Variants in RALGPS2 observed in about 807,000 individuals in gnomAD.
The protein encoded by RALGPS2 is Ral GEF with PH domain and SH3 binding motif 2, also known as ras-specific guanine nucleotide-releasing factor RalGPS2.
In RALGPS2, 43 loss-of-function variants were observed where a neutral mutation model predicts 86.8. The observed-to-expected ratio is 0.50, with a 90% confidence interval of 0.39 to 0.64. The LOEUF is 0.64. RALGPS2 is among the 30% of genes least tolerant of loss of function. RALGPS2 has a pLI of 0.00. For synonymous variants in RALGPS2, 243 were observed against 231.3 expected (o/e 1.05, Z -0.46); for missense variants, 536 against 694.6 (o/e 0.77, Z 2.57).
At position 178,921,267 on chromosome 1, in the gene RALGPS2, G is replaced by A. The variant is rs1647289488; in HGVS notation, c.*4908G>A. 1 of 151,880 alleles carries A rather than the reference G, an allele frequency of 6.6e-6. No homozygotes were observed. The allele number at this position is 151,880 out of a possible 1,614,324, so 9.4% of individuals were successfully genotyped here. On this transcript the variant is annotated 3_prime_UTR_variant, in exon 20 of 20. Coordinates refer to ENST00000367635, the MANE Select transcript of RALGPS2 (RefSeq NM_152663.5). ...CATAATTACAGTGTTTTGGGATTGG[G>A]CTCTTTTTTTTCTTAATAGAAAAGC... is the stretch of plus-strand genomic sequence containing the variant.
At position 178,893,070 on chromosome 1, in the gene RALGPS2, G is replaced by A. The variant is rs998318527; in HGVS notation, c.1325+763G>A. 2.0e-5 allele frequency among the ~76,000 whole-genome samples: 3 copies of A among 152,010 alleles called. No individual in the cohort carries two copies. The South Asian group carries it at 6.2e-4, about 31-fold the overall frequency. The stretch of plus-strand genomic sequence containing the variant: ...TAAATAATCACAAAGGAATAAACTG[G>A]CAAACTTTAGTTTTCATTGCTCTTA... On this transcript the variant is annotated intron_variant, in intron 15 of 19. Transcript: ENST00000367635.
intron 1 of RALGPS2, among the ~76,000 whole-genome samples, chr1:178,733,572 G>A (rs1257515376): frequency 2.0e-5 from 3 of 152,210 alleles, no homozygotes; most frequent in Non-Finnish European, 1.5e-5. Context: ...CAAAGTGTTG[G>A]CAAGAATGTA....
rs1481326636 is a variant in RALGPS2 at position 178,906,885 on chromosome 1, T to A, written c.1722+18T>A. The A allele has an allele frequency of 6.2e-7, 1 of 1,606,628 alleles. No individual in the cohort carries two copies. Among genetic ancestry groups the A allele is most frequent in the South Asian group, 1.1e-5 (1 of 90,816 alleles). ...AACAACAGGTAAGCATTTCTCCTAATTCTCAGAATAGTCCATAATTTGGGA... is the reference window on the plus strand; with the variant it reads ...AACAACAGGTAAGCATTTCTCCTAAATCTCAGAATAGTCCATAATTTGGGA... On this transcript the variant is annotated intron_variant, in intron 19 of 19. Transcript: ENST00000367635.
intron 4 of RALGPS2, among the ~76,000 whole-genome samples, chr1:178,801,213 A>C (rs1002670648): frequency 1.3e-5 from 2 of 152,164 alleles, no homozygotes; most frequent in Non-Finnish European, 2.9e-5. Flanking sequence ...GGTGTGAGCC[A>C]CTATGCCCAG....
intron 8 of RALGPS2, among the ~76,000 whole-genome samples, chr1:178,855,626 T>A (rs1472111212): frequency 6.6e-6 from 1 of 151,854 alleles, no homozygotes; most frequent in Non-Finnish European, 1.5e-5. Flanking sequence ...GCAATTTGAT[T>A]TTTTATAGTT....
At chr1:178,853,077 C>T (rs988162202) in intron 8 of RALGPS2, 1 of 1,446,028 alleles carries the variant, frequency 6.9e-7, no homozygotes, top group Non-Finnish European at 9.1e-7. Context: ...ATGTGAGCTT[C>T]CATTTTAGTT....
At chr1:178,761,874 T>G (rs1260086355) in intron 1 of RALGPS2, among the ~76,000 whole-genome samples, 1 of 152,168 alleles carries the variant, frequency 6.6e-6, no homozygotes, top group Non-Finnish European at 1.5e-5. Context: ...TTTTAAATTT[T>G]ATTTTATTTT....
rs201349180 is a variant in RALGPS2 at position 178,805,882 on chromosome 1, A to G, written c.214-2163A>G. ...TTTAGTTTTCTTTGTATCCATCACT[A>G]AATTTCTGCCAGAAGTGAATGTACT... On this transcript the variant is annotated intron_variant, in intron 4 of 19. Coordinates refer to ENST00000367635, the MANE Select transcript of RALGPS2 (RefSeq NM_152663.5). Among the ~76,000 whole-genome samples the G allele has an allele frequency of 8.5e-5, 13 of 152,202 alleles. No individual in the cohort carries two copies. The East Asian group carries it at 1.9e-3, about 23-fold the overall frequency.
chr1:178,764,553 G>A (rs1186373295), intron 1 of RALGPS2, among the ~76,000 whole-genome samples: 1 of 152,124 alleles, frequency 6.6e-6, no homozygotes, highest in East Asian at 1.9e-4. Context: ...CCTTTATAGG[G>A]TTACTAGCCT....
intron 6 of RALGPS2, among the ~76,000 whole-genome samples, chr1:178,819,061 T>C (rs1169534887): frequency 6.6e-6 from 1 of 151,092 alleles, no homozygotes; most frequent in African/African-American, 2.4e-5. Context: ...CAAGCATGGC[T>C]CATCACAACC....
intron 8 of RALGPS2, among the ~76,000 whole-genome samples, chr1:178,875,607 G>A (rs1658967683): frequency 6.6e-6 from 1 of 152,024 alleles, no homozygotes; most frequent in African/African-American, 2.4e-5. Context: ...AACTACCCAG[G>A]CGTGGTTGCG....
chr1:178,880,920 T>C (rs1659219269), intron 10 of RALGPS2, among the ~76,000 whole-genome samples: 1 of 152,218 alleles, frequency 6.6e-6, no homozygotes, highest in Non-Finnish European at 1.5e-5. Flanking sequence ...AATTGACATA[T>C]CATATAATGC....
At chr1:178,882,675 C>T (rs1019704258) in intron 10 of RALGPS2, among the ~76,000 whole-genome samples, 3 of 152,178 alleles carry the variant, frequency 2.0e-5, no homozygotes, top group Non-Finnish European at 2.9e-5. Flanking sequence ...GCATTTTCTA[C>T]AACTACTTTA....
At chr1:178,821,784 A>T in intron 7 of RALGPS2, 80 bp downstream of exon 7, 7 of 1,060,238 alleles carry the variant, frequency 6.6e-6, no homozygotes, top group African/African-American at 1.6e-5. Context: ...TGTAATTCTT[A>T]TTAAAGTTAA....
At chr1:178,860,184 A>AT (rs151123678) in intron 8 of RALGPS2, among the ~76,000 whole-genome samples, 1 of 151,820 alleles carries the variant, frequency 6.6e-6, no homozygotes, top group Non-Finnish European at 1.5e-5. Context: ...TAAAAGAGTA[A>AT]TTTTTTTTAA....
At chr1:178,776,275 G>C (rs927481842) in intron 1 of RALGPS2, among the ~76,000 whole-genome samples, 2 of 152,126 alleles carry the variant, frequency 1.3e-5, no homozygotes, top group Non-Finnish European at 2.9e-5. Flanking sequence ...GCTGTGATAA[G>C]CTTATTCAGT....
chr1:178,805,000 G>C (rs1654673373), intron 4 of RALGPS2, among the ~76,000 whole-genome samples: 16 of 143,466 alleles, frequency 1.1e-4, no homozygotes, highest in South Asian at 2.3e-4. Flanking sequence ...TCTCATTGTG[G>C]TTTTGATTTG....
At chr1:178,894,850 C>T (rs753849873) in intron 16 of RALGPS2, among the ~76,000 whole-genome samples, 20 of 151,630 alleles carry the variant, frequency 1.3e-4, no homozygotes, top group Non-Finnish European at 2.2e-4. Context: ...CATTATAGTT[C>T]GTATACAAAA....
intron 6 of RALGPS2, among the ~76,000 whole-genome samples, chr1:178,815,074 G>GTGTGTTTTGGTTTTTTTGTTTT (rs1655164146): frequency 6.6e-6 from 1 of 151,514 alleles, no homozygotes; most frequent in Non-Finnish European, 1.5e-5. Context: ...TTTTTTGTTT[G>GTGTGTTTTGGTTTTTTTGTTTT]TTTGTTTTTA....
Sources: allele counts gnomAD v4.1 joint callset (sites outside exome capture counted in the v4.1 genomes callset), GRCh38; gene constraint gnomAD v4.1.1; transcripts MANE v1.5; gene names NCBI Gene and HGNC (gene_info 2026-07-23, HGNC 2026-07-21).